ZBTB2: variants seen among roughly 807,000 people sequenced by gnomAD.
ZBTB2 encodes zinc finger and BTB domain containing 2, also known as zinc finger and BTB domain-containing protein 2.
A neutral mutation model predicts 39.5 loss-of-function variants in ZBTB2; 2 were observed. That is an observed-to-expected ratio of 0.05 (90% CI 0.02 to 0.16). The LOEUF is 0.16. Ranked by LOEUF, ZBTB2 falls within the 10% of genes least tolerant of loss-of-function variation. The pLI is 1.00. For synonymous variants in ZBTB2, 251 were observed against 256.6 expected, an observed-to-expected ratio of 0.98 and a Z score of 0.21; for missense variants, 391 against 653.0, an observed-to-expected ratio of 0.60 and a Z score of 4.37.
chr6:151,375,920 AT>A (rs1230803534), intron 1 of ZBTB2, among the ~76,000 whole-genome samples: 3 of 152,214 alleles, frequency 2.0e-5, no homozygotes, highest in Non-Finnish European at 2.9e-5. Context: ...AGTCTACCCA[AT>A]TTCAAGATGT....
intron 1 of ZBTB2, among the ~76,000 whole-genome samples, chr6:151,373,870 A>AAAAAAAAAAAAAAAAC (rs1778843577): frequency 1.6e-5 from 2 of 123,584 alleles, no homozygotes; most frequent in African/African-American, 7.1e-5. Flanking sequence ...AAAAAAAAAA[A>AAAAAAAAAAAAAAAAC]AAAAAAACCA....
Position 151,366,526 on chromosome 6 carries a change from C to T in ZBTB2, c.540G>A (p.Leu180=). Residue 180 remains leucine (L), a synonymous_variant, in exon 3 of 3, where the codon CTG becomes CTA. Coordinates refer to ENST00000325144, the MANE Select transcript of ZBTB2 (RefSeq NM_020861.3). This position sits in a 1 kb window ranked among gnomAD's most constrained non-coding sequence, Gnocchi z 7.1. ...QVPEASQLSQ[L]TSNLAQVNRT... ...GATTCACCTGGGCCAGATTTGAAGTCAGCTGGGAGAGCTGTGAGGCCTCAG... is the reference window on the plus strand; with the variant it reads ...GATTCACCTGGGCCAGATTTGAAGTTAGCTGGGAGAGCTGTGAGGCCTCAG... 6.2e-7 allele frequency: 1 copy of T among 1,614,082 alleles called. No individual in the cohort carries two copies. Among genetic ancestry groups the T allele is most frequent in the Non-Finnish European group, 8.5e-7 (1 of 1,180,008 alleles).
In ZBTB2 at chr6:151,374,025, C is replaced by A. The variant is rs569464168; in HGVS notation, c.-12-376G>T. ...ACAGACAGCAAATATCTTGGACCAT[C>A]GAGTCTTTTAGTTTAAAATTCCAAA... On this transcript the variant is annotated intron_variant, in intron 1 of 2. Coordinates refer to ENST00000325144, the MANE Select transcript of ZBTB2 (RefSeq NM_020861.3). Among the ~76,000 whole-genome samples, 6 of 152,202 alleles carry A rather than the reference C, an allele frequency of 3.9e-5. No individual in the cohort carries two copies. The East Asian group carries it at 1.2e-3, about 29-fold the overall frequency.
rs1429033780 is a variant in ZBTB2 at position 151,365,533 on chromosome 6, G to A, written c.1533C>T (p.Val511=). Residue 511 remains valine, a synonymous_variant, in exon 3 of 3, where the codon GTC becomes GTT. Coordinates refer to ENST00000325144, the MANE Select transcript of ZBTB2 (RefSeq NM_020861.3). This position sits in a 1 kb window ranked among gnomAD's most constrained non-coding sequence, Gnocchi z 5.6. The part of the protein sequence containing the change: ...LASIKKEQET[V]LLD Reference sequence around the variant, plus strand: ...AGATAAGTGACATTCAGTCTAGTAAGACGGTTTCTTGTTCCTTTTTGATGG... The same window carrying A: ...AGATAAGTGACATTCAGTCTAGTAAAACGGTTTCTTGTTCCTTTTTGATGG... The A allele has an allele frequency of 6.2e-7, 1 of 1,610,388 alleles. No individual in the cohort carries two copies. Among genetic ancestry groups the A allele is most frequent in the Non-Finnish European group, 8.5e-7 (1 of 1,178,344 alleles).
At position 151,373,548 on chromosome 6, in the gene ZBTB2, G is replaced by A; in HGVS notation, c.90C>T (p.Ile30=). The A allele has an allele frequency of 3.7e-6, 6 of 1,614,134 alleles. No homozygotes were observed. The highest frequency in any genetic ancestry group is 5.1e-6 in the Non-Finnish European group (6 of 1,180,018). The change falls in exon 2 of 3, where the codon ATC becomes ATT. Residue 30 remains isoleucine, a synonymous_variant. Coordinates refer to ENST00000325144, the MANE Select transcript of ZBTB2 (RefSeq NM_020861.3). ...FGFLCDCTVA[I]GDVYFKAHKS... Reference sequence around the variant, plus strand: ...TGTGTGCCTTGAAGTATACATCGCCGATTGCAACCGTGCAGTCACACAGGA... The same window carrying A: ...TGTGTGCCTTGAAGTATACATCGCCAATTGCAACCGTGCAGTCACACAGGA...
Position 151,365,284 on chromosome 6 carries a change from TTATAAG to T in ZBTB2, c.*231_*236del, listed in dbSNP as rs1293240565. 1.8e-5 allele frequency: 8 copies of T among 439,546 alleles called. No homozygotes were observed. The highest frequency in any genetic ancestry group is 1.2e-4 in the African/African-American group (6 of 50,674). 27.2% of individuals were successfully genotyped at this position (439,546 alleles called of 1,614,324 possible). ...ATCTAAAACCTCTCAAAATTTGAGT[TTATAAG>T]TATAATGACCATTATCTTTCCAATA... On this transcript the variant is annotated 3_prime_UTR_variant, in exon 3 of 3. Transcript: ENST00000325144. This position sits in a 1 kb window ranked among gnomAD's most constrained non-coding sequence, Gnocchi z 5.6.
chr6:151,366,588 G>A lies in ZBTB2; in HGVS notation c.478C>T (p.Arg160Trp), dbSNP rs576297041. 1.4e-5 allele frequency: 23 copies of A among 1,613,964 alleles called. No individual in the cohort carries two copies. Among genetic ancestry groups the A allele is most frequent in the East Asian group, 8.9e-5 (4 of 44,892 alleles). ...SAPEKLGRDP[R>W]PQTSRISQEQ... ...TGGCTTATCCTGGAGGTCTGTGGCC[G>A]TGGATCTCGCCCGAGTTTTTCAGGT... The change falls in exon 3 of 3, where the codon CGG becomes TGG. Residue 160 changes from arginine to tryptophan, a missense_variant. Transcript: ENST00000325144. The surrounding 1 kb of genome is among the most constrained non-coding windows in gnomAD (Gnocchi z 7.1).
At chr6:151,373,020 C>T (rs1247089755) in intron 2 of ZBTB2, among the ~76,000 whole-genome samples, 14 of 151,396 alleles carry the variant, frequency 9.2e-5, no homozygotes, top group South Asian at 2.1e-4. Context: ...CCGGGCGTGG[C>T]GGCGGGTGCC....
intron 1 of ZBTB2, among the ~76,000 whole-genome samples, 195 bp downstream of exon 1, chr6:151,391,225 G>A (rs1779299861): frequency 6.6e-6 from 1 of 151,546 alleles, no homozygotes; most frequent in Non-Finnish European, 1.5e-5. Context: ...CCGGGTCCCC[G>A]AGTGGCCCGG....
chr6:151,386,273 A>G (rs1307690084), intron 1 of ZBTB2, among the ~76,000 whole-genome samples: 6 of 152,206 alleles, frequency 3.9e-5, no homozygotes, highest in Admixed American at 3.9e-4. Flanking sequence ...GGCTTGGGAC[A>G]GTGGCTCACC....
intron 1 of ZBTB2, among the ~76,000 whole-genome samples, chr6:151,373,870 A>AAAAAAAAAAACAAAAC (rs1778843577): frequency 8.1e-5 from 10 of 123,582 alleles, no homozygotes; most frequent in African/African-American, 3.2e-4. Context: ...AAAAAAAAAA[A>AAAAAAAAAAACAAAAC]AAAAAAACCA....
chr6:151,376,943 A>T (rs1246835144), intron 1 of ZBTB2, among the ~76,000 whole-genome samples: 2 of 152,216 alleles, frequency 1.3e-5, no homozygotes, highest in Non-Finnish European at 2.9e-5. Flanking sequence ...GAAACAACTC[A>T]GATGTCCTTC....
At chr6:151,377,530 G>C (rs965771243) in intron 1 of ZBTB2, among the ~76,000 whole-genome samples, 26 of 144,116 alleles carry the variant, frequency 1.8e-4, no homozygotes, top group Non-Finnish European at 3.3e-4. Flanking sequence ...GACCATGTCT[G>C]GCTAATTTTT....
At chr6:151,372,340 G>C (rs1413660234) in intron 2 of ZBTB2, among the ~76,000 whole-genome samples, 8 of 152,112 alleles carry the variant, frequency 5.3e-5, no homozygotes, top group Non-Finnish European at 1.2e-4. Context: ...AAACCACAGC[G>C]CGCACTGATA....
In ZBTB2 at chr6:151,366,001, C is replaced by T. The variant is rs1276471366; in HGVS notation, c.1065G>A (p.Glu355=). The T allele has an allele frequency of 1.2e-6, 2 of 1,614,218 alleles. No homozygotes were observed. Among genetic ancestry groups the T allele is most frequent in the African/African-American group, 1.3e-5 (1 of 75,056 alleles). The part of the protein sequence containing the change: ...DIDNLEQADQ[E]REVKRRKYEC... ...CGTACTTCCGCCTCTTCACCTCCCT[C>T]TCCTGGTCGGCCTGCTCCAGGTTGT... Residue 355 remains glutamate, a synonymous_variant, in exon 3 of 3, where the codon GAG becomes GAA. Coordinates refer to ENST00000325144, the MANE Select transcript of ZBTB2 (RefSeq NM_020861.3). This position sits in a 1 kb window ranked among gnomAD's most constrained non-coding sequence, Gnocchi z 7.1.
rs1031860033 is a variant in ZBTB2 at position 151,365,353 on chromosome 6, T to C, written c.*168A>G. On this transcript the variant is annotated 3_prime_UTR_variant, in exon 3 of 3. Coordinates refer to ENST00000325144, the MANE Select transcript of ZBTB2 (RefSeq NM_020861.3). This position sits in a 1 kb window ranked among gnomAD's most constrained non-coding sequence, Gnocchi z 5.6. ...AAGTCGATACATTCCAGGTTTATAA[T>C]GCACAAAGCCTTTACAGAGGTGGGG... 2.8e-6 allele frequency: 2 copies of C among 712,744 alleles called. No individual in the cohort carries two copies. Among genetic ancestry groups the C allele is most frequent in the South Asian group, 2.0e-5 (1 of 49,350 alleles). The allele number at this position is 712,744 out of a possible 1,614,324, so 44.2% of individuals were successfully genotyped here.
intron 1 of ZBTB2, among the ~76,000 whole-genome samples, chr6:151,388,809 C>T (rs1017958956): frequency 6.6e-6 from 1 of 152,330 alleles, no homozygotes; most frequent in African/African-American, 2.4e-5. Context: ...ACATGATTAG[C>T]GTTTATTCTC....
intron 1 of ZBTB2, among the ~76,000 whole-genome samples, chr6:151,384,368 G>T (rs970701434): frequency 5.3e-5 from 8 of 152,122 alleles, no homozygotes; most frequent in African/African-American, 1.2e-4. Context: ...TGGGGAGGAG[G>T]GGGTAACAAG....
intron 1 of ZBTB2, among the ~76,000 whole-genome samples, chr6:151,390,681 C>T (rs1390478136): frequency 6.6e-6 from 1 of 151,742 alleles, no homozygotes; most frequent in Non-Finnish European, 1.5e-5. Flanking sequence ...GCAGTAGCGG[C>T]AGCAGCTGTA....
Sources: gnomAD v4.1 joint callset for allele counts (sites outside exome capture counted in the v4.1 genomes callset) on GRCh38, gnomAD v4.1.1 for gene constraint, Gnocchi (gnomAD v3.1) non-coding constraint, MANE v1.5 for transcripts, NCBI Gene and HGNC (gene_info 2026-07-23, HGNC 2026-07-21) for gene names.